Variants in BCL11A observed in about 807,000 individuals in gnomAD.
BCL11A encodes the protein B cell CLL/lymphoma 11A.
A neutral mutation model predicts 55.9 loss-of-function variants in BCL11A; 2 were observed. The ratio of observed to expected loss-of-function variants is 0.04; its 90% CI spans 0.01 to 0.11. The LOEUF (loss-of-function observed/expected upper bound fraction) is 0.11, where lower values mean the gene tolerates loss of function less well. Among genes scored for constraint, BCL11A ranks in the 10% least tolerant of loss-of-function variants. The pLI, the probability that BCL11A is intolerant of heterozygous loss-of-function variation, is 1.00. For synonymous variants in BCL11A, 465 were observed against 473.4 expected, an observed-to-expected ratio of 0.98 and a Z score of 0.23; for missense variants, 817 against 1,137.1, an observed-to-expected ratio of 0.72 and a Z score of 4.05.
chr2:60,461,710 C>A lies in BCL11A; in HGVS notation c.1202G>T (p.Gly401Val). The A allele has an allele frequency of 6.2e-7, 1 of 1,614,078 alleles. No homozygotes were observed. Among genetic ancestry groups the A allele is most frequent in the Non-Finnish European group, 8.5e-7 (1 of 1,180,044 alleles). ...NLVVHRRSHT[G>V]EKPYKCNLCD... The stretch of plus-strand genomic sequence containing the variant: ...CAGGTTGCACTTGTAGGGCTTCTCG[C>A]CCGTGTGGCTGCGCCGGTGCACCAC... Residue 401 changes from glycine (G) to valine (V), a missense_variant, in exon 4 of 4, where the codon GGC becomes GTC. Physicochemically the swap from Gly to Val is moderately radical, Grantham distance 109. Coordinates refer to ENST00000642384, the MANE Select transcript of BCL11A (RefSeq NM_022893.4).
chr2:60,477,514 T>C (rs911084100), intron 2 of BCL11A, among the ~76,000 whole-genome samples: 5 of 152,126 alleles, frequency 3.3e-5, no homozygotes, highest in Non-Finnish European at 5.9e-5. Flanking sequence ...GATGGGTTGA[T>C]AGGTGCAGCA....
intron 2 of BCL11A, among the ~76,000 whole-genome samples, chr2:60,541,132 G>A (rs1278914115): frequency 6.6e-6 from 1 of 152,108 alleles, no homozygotes; most frequent in Non-Finnish European, 1.5e-5. Flanking sequence ...TACATTAACT[G>A]TCTGTAACAG....
chr2:60,506,489 A>G (rs1679601991), intron 2 of BCL11A, among the ~76,000 whole-genome samples: 1 of 152,174 alleles, frequency 6.6e-6, no homozygotes, highest in African/African-American at 2.4e-5. Context: ...GGTGACAAAG[A>G]CCTCACTAGA....
intron 3 of BCL11A, among the ~76,000 whole-genome samples, chr2:60,464,912 A>G (rs1407130244): frequency 6.6e-6 from 1 of 152,238 alleles, no homozygotes; most frequent in Non-Finnish European, 1.5e-5. Flanking sequence ...TGAGCATACA[A>G]CATACAGTTT....
At chr2:60,548,976 A>G (rs568953037) in intron 1 of BCL11A, among the ~76,000 whole-genome samples, 6 of 152,030 alleles carry the variant, frequency 3.9e-5, no homozygotes, top group African/African-American at 1.4e-4. Flanking sequence ...TCAGCCATTT[A>G]CCCCCTCCCT....
chr2:60,527,488 C>T (rs1219140643), intron 2 of BCL11A: 4 of 152,230 alleles, frequency 2.6e-5, no homozygotes, highest in East Asian at 3.9e-4. Context: ...GTCCATGCCC[C>T]GGGACAGAGT....
intron 2 of BCL11A, chr2:60,526,749 A>T (rs1423570961): frequency 1.3e-5 from 2 of 152,262 alleles, no homozygotes; most frequent in Non-Finnish European, 2.9e-5. Flanking sequence ...AAGCAGCCAT[A>T]AATTACATGA....
In BCL11A at chr2:60,468,766, A is replaced by T. The variant is rs572202106; in HGVS notation, c.453T>A (p.Pro151=). The T allele has an allele frequency of 1.9e-6, 3 of 1,610,988 alleles. No homozygotes were observed. In the Middle Eastern group the frequency reaches 5.0e-4, roughly 266 times the overall value. ...RSAHGALIPT[P]GMSAEYAPQG... is the part of the protein sequence containing the mutation. ...GCGGGGCATATTCTGCACTCATCCC[A>T]GGCGTGGGGATTAGAGCTCCATGTG... Residue 151 remains proline, a synonymous_variant, in exon 3 of 4, where the codon CCT becomes CCA. Transcript: ENST00000642384.
chr2:60,452,597 C>T (rs1192514663), downstream of BCL11A: 2 of 1,613,914 alleles, frequency 1.2e-6, no homozygotes, highest in South Asian at 2.2e-5. Flanking sequence ...GGCTCTCGAG[C>T]TTCCATCCGA....
intron 2 of BCL11A, chr2:60,543,540 C>A (rs1021629097): frequency 2.6e-5 from 4 of 152,152 alleles, no homozygotes; most frequent in African/African-American, 9.7e-5. Context: ...TTCAGGGGCA[C>A]CTGAGGGCCA....
chr2:60,492,368 AAAACAAAC>A (rs10646649), intron 2 of BCL11A, among the ~76,000 whole-genome samples: 1 of 151,704 alleles, frequency 6.6e-6, no homozygotes, highest in Admixed American at 6.6e-5. Context: ...CCCTGTCTCA[AAAACAAAC>A]AAACAAACAA....
chr2:60,460,918 G>A lies in BCL11A; in HGVS notation c.1994C>T (p.Ala665Val). The A allele has an allele frequency of 6.2e-7, 1 of 1,612,722 alleles. No homozygotes were observed. Among genetic ancestry groups the A allele is most frequent in the Non-Finnish European group, 8.5e-7 (1 of 1,180,012 alleles). ...VYSQWLAGYAASRQLKDPFLS... is the reference protein window; with the variant it reads ...VYSQWLAGYAVSRQLKDPFLS... ...GAAGGGATCTTTGAGCTGCCTGGAG[G>A]CCGCGTAGCCGGCGAGCCACTGCGA... The change falls in exon 4 of 4, where the codon GCC becomes GTC. Residue 665 changes from alanine to valine, a missense_variant. This residue lies in a region of BCL11A where 379 missense variants were observed against 425.3 expected (regional missense o/e 0.89). Coordinates refer to ENST00000642384, the MANE Select transcript of BCL11A (RefSeq NM_022893.4).
At chr2:60,525,375 C>T (rs1254733577) in intron 2 of BCL11A, 1 of 152,178 alleles carries the variant, frequency 6.6e-6, no homozygotes, top group African/African-American at 2.4e-5. Flanking sequence ...TGTGAATTAT[C>T]ACCATTCCAT....
chr2:60,455,289 C>T (rs186137552), downstream of BCL11A, among the ~76,000 whole-genome samples: 5 of 151,324 alleles, frequency 3.3e-5, no homozygotes, highest in Admixed American at 3.3e-4. Context: ...AGTAGTTCCT[C>T]ATTTAAAAAA....
intron 2 of BCL11A, among the ~76,000 whole-genome samples, chr2:60,476,586 T>C (rs1008853212): frequency 1.3e-5 from 2 of 152,234 alleles, no homozygotes; most frequent in Non-Finnish European, 2.9e-5. Flanking sequence ...TGGAAAGCCA[T>C]GTGTAAAATG....
intron 2 of BCL11A, among the ~76,000 whole-genome samples, chr2:60,471,297 T>C (rs529417338): frequency 2.0e-5 from 3 of 152,322 alleles, no homozygotes; most frequent in Non-Finnish European, 2.9e-5. Flanking sequence ...CTATTTACTT[T>C]AGAAAAAAAG....
intron 2 of BCL11A, among the ~76,000 whole-genome samples, chr2:60,470,436 G>A (rs1677135239): frequency 6.6e-6 from 1 of 152,108 alleles, no homozygotes; most frequent in African/African-American, 2.4e-5. Context: ...TGCCTCAGCC[G>A]TTCACTAAGT....
At chr2:60,469,582 C>G (rs1446308117) in intron 2 of BCL11A, among the ~76,000 whole-genome samples, 3 of 152,214 alleles carry the variant, frequency 2.0e-5, no homozygotes, top group Non-Finnish European at 4.4e-5. Flanking sequence ...TGCCAGCACC[C>G]AGAAACCCTG....
chr2:60,450,966 G>A (rs1031081308), downstream of BCL11A: 1 of 167,906 alleles, frequency 6.0e-6, no homozygotes, highest in Non-Finnish European at 1.3e-5. Context: ...ACAGAGTTTG[G>A]TGAAATTAGC....
Sources: gnomAD v4.1 joint callset for allele counts (sites outside exome capture counted in the v4.1 genomes callset) on GRCh38, gnomAD v4.1.1 for gene constraint, gnomAD v4.1.1 regional missense constraint, MANE v1.5 for transcripts, NCBI Gene and HGNC (gene_info 2026-07-23, HGNC 2026-07-21) for gene names.